The following TOLLIP variants were observed in gnomAD, a reference collection of about 807,000 sequenced individuals.
TOLLIP encodes the protein toll-interacting protein.
In TOLLIP, 16 loss-of-function variants were observed where a neutral mutation model predicts 33.5. The ratio of observed to expected loss-of-function variants is 0.48; its 90% CI spans 0.32 to 0.72. The LOEUF is 0.72. Ranked by LOEUF, TOLLIP falls within the 30% of genes least tolerant of loss-of-function variation. The pLI, the probability that TOLLIP is intolerant of heterozygous loss-of-function variation, is 0.03. For synonymous variants in TOLLIP, 176 were observed against 163.7 expected (o/e 1.07, Z -0.57); for missense variants, 325 against 396.6 (o/e 0.82, Z 1.53).
At chr11:1,293,299 A>G (rs1430143765) in intron 2 of TOLLIP, among the ~76,000 whole-genome samples, 3 of 152,230 alleles carry the variant, frequency 2.0e-5, no homozygotes, top group African/African-American at 4.8e-5. Context: ...CCATGTGGCC[A>G]TGGTCCGTAC....
At chr11:1,293,491 A>G (rs1864017673) in intron 2 of TOLLIP, among the ~76,000 whole-genome samples, 1 of 152,184 alleles carries the variant, frequency 6.6e-6, no homozygotes, top group Admixed American at 6.5e-5. Flanking sequence ...CAGCGAGGGG[A>G]CGCAAGCAGG....
rs1863319543 is a variant in TOLLIP at position 1,276,820 on chromosome 11, G to C, written c.*219C>G. The C allele has an allele frequency of 6.5e-7, 1 of 1,529,366 alleles. No individual in the cohort carries two copies. The allele number at this position is 1,529,366 out of a possible 1,614,324, so 94.7% of individuals were successfully genotyped here. A position where few individuals can be genotyped will look rare whatever the true frequency, so the allele number is the denominator to read the frequency against. On this transcript the variant is annotated 3_prime_UTR_variant, in exon 6 of 6. Coordinates refer to ENST00000317204, the MANE Select transcript of TOLLIP (RefSeq NM_019009.4). Reference sequence around the variant, plus strand: ...CAGGAGAGCGCGCTGAGACCTCCCAGCACGAGATGGGAGGGGAGCCCCCGC... The same window carrying C: ...CAGGAGAGCGCGCTGAGACCTCCCACCACGAGATGGGAGGGGAGCCCCCGC...
At chr11:1,287,423 C>CCCTCCCCGCCGCAG (rs1554945256) in intron 4 of TOLLIP, among the ~76,000 whole-genome samples, 19 of 46,860 alleles carry the variant, frequency 4.1e-4, no homozygotes, top group South Asian at 1.9e-3. Flanking sequence ...CCCCGCCGCA[C>CCCTCCCCGCCGCAG]CCTCCCCGCC....
At position 1,278,224 on chromosome 11, in the gene TOLLIP, C is replaced by T. The variant is rs368699497; in HGVS notation, c.611-971G>A. On this transcript the variant is annotated intron_variant, in intron 5 of 5. Transcript: ENST00000317204. This position sits in a 1 kb window ranked among gnomAD's most constrained non-coding sequence, Gnocchi z 4.7. Reference sequence around the variant, plus strand: ...CCAGTGAGGCACAGAGCACAGGCAGCGTGCGCGGGGCTCGGCGACCAGCGA... The same window carrying T: ...CCAGTGAGGCACAGAGCACAGGCAGTGTGCGCGGGGCTCGGCGACCAGCGA... Among the ~76,000 whole-genome samples the T allele has an allele frequency of 3.9e-4, 59 of 152,198 alleles. No homozygotes were observed. Among genetic ancestry groups the T allele is most frequent in the African/African-American group, 1.2e-3 (51 of 41,506 alleles).
chr11:1,288,963 G>A (rs889346772), intron 3 of TOLLIP, among the ~76,000 whole-genome samples, 187 bp from the exon 4 acceptor site: 13 of 152,234 alleles, frequency 8.5e-5, no homozygotes, highest in East Asian at 3.9e-4. Flanking sequence ...ATCAGCCTCC[G>A]TAGGGGACTT....
At chr11:1,286,641 G>A (rs762865574) in intron 4 of TOLLIP, among the ~76,000 whole-genome samples, 2 of 151,964 alleles carry the variant, frequency 1.3e-5, no homozygotes, top group Non-Finnish European at 2.9e-5. Flanking sequence ...TGTCTCCTGA[G>A]TTCAAAACTG....
At position 1,277,168 on chromosome 11, in the gene TOLLIP, C is replaced by G; in HGVS notation, c.696G>C (p.Glu232Asp). ...AVNAQPRCSEEDLKAIQDMFP... is the reference protein window; with the variant it reads ...AVNAQPRCSEDDLKAIQDMFP... ...ACATGTCCTGGATGGCTTTCAGGTC[C>G]TCCTCGCTACAGCGGGGCTGGGCGT... Residue 232 changes from glutamate (E) to aspartate (D), a missense_variant, in exon 6 of 6, where the codon GAG (glutamate) becomes GAC (aspartate). Coordinates refer to ENST00000317204, the MANE Select transcript of TOLLIP (RefSeq NM_019009.4). This position sits in a 1 kb window ranked among gnomAD's most constrained non-coding sequence, Gnocchi z 4.2. The G allele has an allele frequency of 4.3e-6, 7 of 1,612,262 alleles. No individual in the cohort carries two copies. Among genetic ancestry groups the G allele is most frequent in the Non-Finnish European group, 5.9e-6 (7 of 1,178,532 alleles).
chr11:1,276,913 A>G lies in TOLLIP; in HGVS notation c.*126T>C. The stretch of plus-strand genomic sequence containing the variant: ...AGAACAGGTGTGGACGGGGCGGCAC[A>G]GAAGTCCACGGGAGGGGGCGACACG... On this transcript the variant is annotated 3_prime_UTR_variant, in exon 6 of 6. Transcript: ENST00000317204. 1.3e-6 allele frequency: 2 copies of G among 1,569,310 alleles called. No individual in the cohort carries two copies. The highest frequency in any genetic ancestry group is 1.7e-6 in the Non-Finnish European group (2 of 1,159,016).
At chr11:1,308,642 T>C (rs1864485045) in intron 1 of TOLLIP, among the ~76,000 whole-genome samples, 2 of 152,226 alleles carry the variant, frequency 1.3e-5, no homozygotes, top group African/African-American at 4.8e-5. Flanking sequence ...CAGGAGAGAA[T>C]TCAGAGCAGG....
chr11:1,297,778 G>T (rs766815911), intron 1 of TOLLIP, among the ~76,000 whole-genome samples: 1 of 152,186 alleles, frequency 6.6e-6, no homozygotes, highest in African/African-American at 2.4e-5. Context: ...CCCATGCCAG[G>T]AGTCCCAGGC....
chr11:1,300,826 C>T (rs536059960), intron 1 of TOLLIP, among the ~76,000 whole-genome samples: 60 of 152,332 alleles, frequency 3.9e-4, no homozygotes, highest in Admixed American at 3.1e-3. Flanking sequence ...TGGCCACACG[C>T]AGGCGGCAGG....
At chr11:1,294,011 G>A (rs1864031147) in intron 2 of TOLLIP, among the ~76,000 whole-genome samples, 1 of 152,268 alleles carries the variant, frequency 6.6e-6, no homozygotes, top group Admixed American at 6.5e-5. Flanking sequence ...TTATTTGTGA[G>A]GTCCACGGCG....
chr11:1,289,448 A>C (rs1306205654), intron 3 of TOLLIP, among the ~76,000 whole-genome samples: 1 of 151,990 alleles, frequency 6.6e-6, no homozygotes, highest in Non-Finnish European at 1.5e-5. Flanking sequence ...TGACCTTCTG[A>C]CTCTGCCTCA....
intron 1 of TOLLIP, among the ~76,000 whole-genome samples, chr11:1,299,930 G>T (rs903300975): frequency 6.6e-6 from 1 of 152,244 alleles, no homozygotes; most frequent in Non-Finnish European, 1.5e-5. Context: ...GGACGGAGGC[G>T]GAGGCGGAGG....
At chr11:1,291,795 GGGC>G (rs1863961299) in intron 2 of TOLLIP, 4 of 150,100 alleles carry the variant, frequency 2.7e-5, no homozygotes, top group African/African-American at 1.1e-4. Flanking sequence ...CCACCTCTGA[GGGC>G]ACGGCCGCCC....
In TOLLIP at chr11:1,275,386, C is replaced by T. The variant is rs1213468937; in HGVS notation, c.*1653G>A. The stretch of plus-strand genomic sequence containing the variant: ...TGTCCTGGGTTAGAGTTGTTAATAT[C>T]ACGGAACATACCATCTAGAACGTTC... On this transcript the variant is annotated 3_prime_UTR_variant, in exon 6 of 6. Coordinates refer to ENST00000317204, the MANE Select transcript of TOLLIP (RefSeq NM_019009.4). 1 of 152,240 alleles carries T rather than the reference C, an allele frequency of 6.6e-6. No individual in the cohort carries two copies. The highest frequency in any genetic ancestry group is 2.4e-5 in the African/African-American group (1 of 41,452). 9.4% of individuals were successfully genotyped at this position (152,240 alleles called of 1,614,324 possible). A position where few individuals can be genotyped will look rare whatever the true frequency, so the allele number is the denominator to read the frequency against.
intron 4 of TOLLIP, among the ~76,000 whole-genome samples, chr11:1,287,025 A>C (rs971201312): frequency 6.6e-6 from 1 of 151,826 alleles, no homozygotes; most frequent in African/African-American, 2.4e-5. Flanking sequence ...CGGATAAGTC[A>C]CTGCACCACT....
rs1163624548 is a variant in TOLLIP at position 1,276,830 on chromosome 11, G to C, written c.*209C>G. The C allele has an allele frequency of 6.5e-7, 1 of 1,531,326 alleles. No individual in the cohort carries two copies. The highest frequency in any genetic ancestry group is 2.5e-5 in the East Asian group (1 of 40,674). 94.9% of individuals were successfully genotyped at this position (1,531,326 alleles called of 1,614,324 possible). A position where few individuals can be genotyped will look rare whatever the true frequency, so the allele number is the denominator to read the frequency against. On this transcript the variant is annotated 3_prime_UTR_variant, in exon 6 of 6. Coordinates refer to ENST00000317204, the MANE Select transcript of TOLLIP (RefSeq NM_019009.4). ...CGCTGAGACCTCCCAGCACGAGATG[G>C]GAGGGGAGCCCCCGCCCCGTCCTGG... is the stretch of plus-strand genomic sequence containing the variant.
rs1027954486 is a variant in TOLLIP, at chr11:1,293,289, C to T, written c.183+2356G>A. Among the ~76,000 whole-genome samples the T allele has an allele frequency of 7.9e-5, 12 of 152,232 alleles. 1 individual carries two copies. Among genetic ancestry groups the T allele is most frequent in the Non-Finnish European group, 1.8e-4 (12 of 68,038 alleles). ...AGTGCCCACGGAACACCTGGGGAGG[C>T]CATGTGGCCATGGTCCGTACCTAGG... On this transcript the variant is annotated intron_variant, in intron 2 of 5. Transcript: ENST00000317204.
Sources: allele counts gnomAD v4.1 joint callset (sites outside exome capture counted in the v4.1 genomes callset), GRCh38; gene constraint gnomAD v4.1.1; non-coding constraint Gnocchi (gnomAD v3.1); transcripts MANE v1.5; gene names NCBI Gene and HGNC (gene_info 2026-07-23, HGNC 2026-07-21).